Variants in GLRX5 observed in about 807,000 individuals in gnomAD.
GLRX5 encodes glutaredoxin-related protein 5, mitochondrial.
Under a neutral mutation model 13.8 loss-of-function variants are expected in GLRX5, and 10 were observed. The observed-to-expected ratio is 0.72, with a 90% CI of 0.45 to 1.23. The LOEUF (loss-of-function observed/expected upper bound fraction) is 1.23. GLRX5 is among the 50% of genes most tolerant of loss of function. The probability of loss-of-function intolerance (pLI) is 0.00; values close to 1 mark genes in which losing one functional copy is unlikely to be tolerated. For synonymous variants in GLRX5, 98 were observed against 101.1 expected (o/e 0.97, Z 0.18); for missense variants, 233 against 215.2 (o/e 1.08, Z -0.52).
At position 95,544,646 on chromosome 14, in the gene GLRX5, G is replaced by A. The variant is rs1441277471; in HGVS notation, c.*521G>A. 2.5e-5 allele frequency: 4 copies of A among 160,262 alleles called. No homozygotes were observed. The highest frequency in any genetic ancestry group is 4.8e-5 in the African/African-American group (2 of 41,522). The allele number at this position is 160,262 out of a possible 1,614,324, so 9.9% of individuals were successfully genotyped here. ...GCATATGTCTGTAAGGATTTGGAGT[G>A]CCTGCAGTGTTTTATGTGTGGGAAG... On this transcript the variant is annotated 3_prime_UTR_variant, in exon 2 of 2. Transcript: ENST00000331334.
intron 1 of GLRX5, among the ~76,000 whole-genome samples, chr14:95,538,320 G>C (rs1335217865): frequency 6.6e-6 from 1 of 152,154 alleles, no homozygotes; most frequent in Non-Finnish European, 1.5e-5. Context: ...ATTTGCTGCC[G>C]ATTTAGATCA....
intron 1 of GLRX5, among the ~76,000 whole-genome samples, chr14:95,539,621 T>G (rs545404986): frequency 1.3e-5 from 2 of 152,266 alleles, no homozygotes; most frequent in East Asian, 3.9e-4. Flanking sequence ...AGAGGCCACC[T>G]CTGGTGAGGG....
In GLRX5 at chr14:95,544,215, T is replaced by C; in HGVS notation, c.*90T>C. ...GCCTTACCCATTTTGGTTTTCACTA[T>C]TGAGACCGCAACTGCTTGCACTGAT... is the stretch of plus-strand genomic sequence containing the variant. On this transcript the variant is annotated 3_prime_UTR_variant, in exon 2 of 2. Coordinates refer to ENST00000331334, the MANE Select transcript of GLRX5 (RefSeq NM_016417.3). 1.9e-6 allele frequency: 2 copies of C among 1,049,500 alleles called. No individual in the cohort carries two copies. Among genetic ancestry groups the C allele is most frequent in the Non-Finnish European group, 1.5e-6 (1 of 688,294 alleles). 65.0% of individuals were successfully genotyped at this position (1,049,500 alleles called of 1,614,324 possible).
In GLRX5 at chr14:95,544,131, G is replaced by A. The variant is rs780015334; in HGVS notation, c.*6G>A. 1.2e-6 allele frequency: 2 copies of A among 1,611,368 alleles called. No individual in the cohort carries two copies. The highest frequency in any genetic ancestry group is 2.2e-5 in the East Asian group (1 of 44,844). On this transcript the variant is annotated 3_prime_UTR_variant, in exon 2 of 2. Transcript: ENST00000331334. The stretch of plus-strand genomic sequence containing the variant: ...AAGACCAAGACTCCAAGTGAGGGCG[G>A]CCAAGTCCTCGCTGAGCAGAGAGGG...
chr14:95,539,965 C>G (rs1035507185), intron 1 of GLRX5, among the ~76,000 whole-genome samples: 1 of 151,806 alleles, frequency 6.6e-6, no homozygotes, highest in Non-Finnish European at 1.5e-5. Context: ...TCTCGGCTCA[C>G]TGCCACCCCT....
chr14:95,543,340 T>TAAAAAA, intron 1 of GLRX5: 1 of 146,400 alleles, frequency 6.8e-6, no homozygotes, highest in African/African-American at 9.0e-5. Flanking sequence ...TTGTTAAAAA[T>TAAAAAA]TAAAAAAAAA....
Position 95,544,227 on chromosome 14 carries a change from C to CT in GLRX5, c.*103dup. ...TTGGTTTTCACTATTGAGACCGCAACTGCTTGCACTGATCATTTTGGTTCG... is the reference window on the plus strand; with the variant it reads ...TTGGTTTTCACTATTGAGACCGCAACTTGCTTGCACTGATCATTTTGGTTCG... On this transcript the variant is annotated 3_prime_UTR_variant, in exon 2 of 2. Coordinates refer to ENST00000331334, the MANE Select transcript of GLRX5 (RefSeq NM_016417.3). The CT allele has an allele frequency of 1.2e-6, 1 of 849,544 alleles. No homozygotes were observed. Among genetic ancestry groups the CT allele is most frequent in the South Asian group, 1.4e-5 (1 of 69,756 alleles). 52.6% of individuals were successfully genotyped at this position (849,544 alleles called of 1,614,324 possible).
In GLRX5 at chr14:95,535,315, A is replaced by G; in HGVS notation, c.226A>G (p.Ile76Val). Residue 76 changes from isoleucine to valine, a missense_variant, in exon 1 of 2, where the codon ATC becomes GTC. Physicochemically the swap from Ile to Val is conservative, Grantham distance 29. Coordinates refer to ENST00000331334, the MANE Select transcript of GLRX5 (RefSeq NM_016417.3). The stretch of plus-strand genomic sequence containing the variant: ...CGGCTTCAGCAACGCCGTGGTGCAG[A>G]TCCTGCGGCTGCACGGCGTCCGCGA... ...QCGFSNAVVQ[I>V]LRLHGVRDYA... 3 of 1,557,676 alleles carry G rather than the reference A, an allele frequency of 1.9e-6. No homozygotes were observed. Among genetic ancestry groups the G allele is most frequent in the South Asian group, 2.4e-5 (2 of 84,704 alleles).
chr14:95,544,056 G>A lies in GLRX5; in HGVS notation c.405G>A (p.Val135=), dbSNP rs773872003. The A allele has an allele frequency of 3.1e-6, 5 of 1,614,088 alleles. No homozygotes were observed. The highest frequency in any genetic ancestry group is 4.2e-6 in the Non-Finnish European group (5 of 1,179,956). The change falls in exon 2 of 2, where the codon GTG becomes GTA. Residue 135 remains valine (V), a synonymous_variant. Coordinates refer to ENST00000331334, the MANE Select transcript of GLRX5 (RefSeq NM_016417.3). ...LLQMHQNGDL[V]EELKKLGIHS... Reference sequence around the variant, plus strand: ...AGATGCACCAGAATGGGGACTTGGTGGAAGAACTGAAAAAGCTGGGGATCC... The same window carrying A: ...AGATGCACCAGAATGGGGACTTGGTAGAAGAACTGAAAAAGCTGGGGATCC...
intron 1 of GLRX5, among the ~76,000 whole-genome samples, chr14:95,542,231 G>A (rs1200499890): frequency 1.3e-5 from 2 of 152,226 alleles, no homozygotes; most frequent in Non-Finnish European, 2.9e-5. Context: ...TGAACAACTT[G>A]AATTCATCAG....
intron 1 of GLRX5, chr14:95,543,633 A>T: frequency 2.8e-6 from 1 of 361,358 alleles, no homozygotes; most frequent in Non-Finnish European, 5.2e-6. Flanking sequence ...TGTATCAGGT[A>T]TTTTACTGAG....
intron 1 of GLRX5, among the ~76,000 whole-genome samples, chr14:95,542,015 A>G (rs975466555): frequency 6.6e-6 from 1 of 152,266 alleles, no homozygotes; most frequent in African/African-American, 2.4e-5. Context: ...GAAGATAATG[A>G]AAAGAAGCTC....
chr14:95,537,443 C>T (rs1465778790), intron 1 of GLRX5, among the ~76,000 whole-genome samples: 4 of 152,180 alleles, frequency 2.6e-5, no homozygotes, highest in Non-Finnish European at 5.9e-5. Flanking sequence ...TATAACATAC[C>T]TCTTTTATTG....
At chr14:95,538,949 A>G (rs1262103816) in intron 1 of GLRX5, among the ~76,000 whole-genome samples, 1 of 152,206 alleles carries the variant, frequency 6.6e-6, no homozygotes, top group African/African-American at 2.4e-5. Context: ...GTGTGTTAGG[A>G]CATGGGTCCC....
At chr14:95,536,178 T>C (rs1256467570) in intron 1 of GLRX5, among the ~76,000 whole-genome samples, 2 of 152,130 alleles carry the variant, frequency 1.3e-5, no homozygotes, top group African/African-American at 2.4e-5. Context: ...AGGGACCAGA[T>C]GGATTAGGCC....
At position 95,544,097 on chromosome 14, in the gene GLRX5, A is replaced by G; in HGVS notation, c.446A>G (p.Asp149Gly). ...CTGGGGATCCACTCCGCCCTTTTAGATGAAAAGAAAGACCAAGACTCCAAG... is the reference window on the plus strand; with the variant it reads ...CTGGGGATCCACTCCGCCCTTTTAGGTGAAAAGAAAGACCAAGACTCCAAG... The part of the protein sequence containing the change: ...KKLGIHSALL[D>G]EKKDQDSK Residue 149 changes from aspartate (D) to glycine (G), a missense_variant, in exon 2 of 2, where the codon GAT becomes GGT. Transcript: ENST00000331334. 2 of 1,614,142 alleles carry G rather than the reference A, an allele frequency of 1.2e-6. No homozygotes were observed. The highest frequency in any genetic ancestry group is 1.7e-6 in the Non-Finnish European group (2 of 1,180,020).
chr14:95,535,451 G>A lies in GLRX5; in HGVS notation c.295+67G>A. The A allele has an allele frequency of 2.1e-6, 3 of 1,443,248 alleles. No individual in the cohort carries two copies. The South Asian group carries it at 3.7e-5, about 18-fold the overall frequency. The allele number at this position is 1,443,248 out of a possible 1,614,324, so 89.4% of individuals were successfully genotyped here. ...CAGGAGCATCGCTGCACGAGGCCGA[G>A]GGGTTCCGCCGCGCCGGGCTGGGGA... On this transcript the variant is annotated intron_variant, in intron 1 of 1. Transcript: ENST00000331334.
chr14:95,543,392 G>A (rs1000421667), intron 1 of GLRX5: 12 of 337,146 alleles, frequency 3.6e-5, no homozygotes, highest in Admixed American at 1.6e-4. Flanking sequence ...AGTGACTGAC[G>A]GCCTGCACCA....
chr14:95,542,350 G>A (rs1171940086), intron 1 of GLRX5, among the ~76,000 whole-genome samples: 1 of 152,180 alleles, frequency 6.6e-6, no homozygotes, highest in Non-Finnish European at 1.5e-5. Flanking sequence ...TTCTTTACTA[G>A]CACCCAGAGT....
Sources: gnomAD v4.1 joint callset for allele counts (sites outside exome capture counted in the v4.1 genomes callset) on GRCh38, gnomAD v4.1.1 for gene constraint, MANE v1.5 for transcripts, NCBI Gene and HGNC (gene_info 2026-07-23, HGNC 2026-07-21) for gene names.